Variants in C17orf78 observed in about 807,000 individuals in gnomAD.
The protein encoded by C17orf78 is chromosome 17 open reading frame 78, also known as uncharacterized protein C17orf78.
A neutral mutation model predicts 31.8 loss-of-function variants in C17orf78; 27 were observed. The ratio of observed to expected loss-of-function variants is 0.85; its 90% confidence interval spans 0.63 to 1.17. C17orf78 has a LOEUF of 1.17. C17orf78 is among the 50% of genes most tolerant of loss of function. C17orf78 has a pLI of 0.00. For synonymous variants in C17orf78, 106 were observed against 115.1 expected (o/e 0.92, Z 0.51); for missense variants, 258 against 315.2 (o/e 0.82, Z 1.37).
At chr17:37,381,848 C>T (rs11871270) in intron 3 of C17orf78, among the ~76,000 whole-genome samples, 86,430 of 150,896 alleles carry the variant, frequency 0.57, 25,907 homozygotes, top group Non-Finnish European at 0.67. Flanking sequence ...AGGATGGTCT[C>T]GATCGCCTGA....
intron 1 of C17orf78, among the ~76,000 whole-genome samples, chr17:37,377,607 C>T (rs138720872): frequency 0.017 from 2,551 of 151,800 alleles, 57 homozygotes; most frequent in African/African-American, 0.058. Context: ...TTGCAATGAG[C>T]GGAGATCACG....
chr17:37,389,287 GT>G lies in C17orf78; in HGVS notation c.677del (p.Leu226CysfsTer61). On this transcript the variant is annotated frameshift_variant, in exon 6 of 7. Coordinates refer to ENST00000615133, the MANE Select transcript of C17orf78 (RefSeq NM_173625.5). LOFTEE classifies it high-confidence loss of function. ...CCAGGAAGCTGTGCCAATGCCAGTG[GT>G]TGTGGAGATGGCAAAAGAAGGGAGG... is the stretch of plus-strand genomic sequence containing the variant. ...GARKLCQCQW[L>X]WRWQKKGGQP... The G allele has an allele frequency of 6.3e-7, 1 of 1,598,832 alleles. No individual in the cohort carries two copies. Among genetic ancestry groups the G allele is most frequent in the Non-Finnish European group, 8.5e-7 (1 of 1,172,858 alleles).
intron 1 of C17orf78, among the ~76,000 whole-genome samples, chr17:37,376,682 C>T (rs829152): frequency 0.38 from 58,123 of 151,968 alleles, 11,794 homozygotes; most frequent in East Asian, 0.74. Flanking sequence ...AGGCTGGGCA[C>T]GGTGGCTCAT....
chr17:37,390,330 A>ATATCTATATATATATATATATC (rs1555672373), intron 6 of C17orf78, among the ~76,000 whole-genome samples: 1 of 41,592 alleles, frequency 2.4e-5, no homozygotes, highest in East Asian at 1.6e-3. Context: ...ATATATATAT[A>ATATCTATATATATATATATATC]TATAAAAGGC....
chr17:37,385,940 C>A (rs2147773613), intron 3 of C17orf78, 69 bp from the exon 4 acceptor site: 1 of 1,042,172 alleles, frequency 9.6e-7, no homozygotes, highest in East Asian at 2.6e-5. Flanking sequence ...GGCAGGGTTT[C>A]ATCAGATAAA....
chr17:37,389,912 G>T lies in C17orf78; in HGVS notation c.750+550G>T, dbSNP rs564623072. Among the ~76,000 whole-genome samples, 11 of 150,234 alleles carry T rather than the reference G, an allele frequency of 7.3e-5. No individual in the cohort carries two copies. In the South Asian group the frequency reaches 2.3e-3, roughly 32 times the overall value. On this transcript the variant is annotated intron_variant, in intron 6 of 6. Coordinates refer to ENST00000615133, the MANE Select transcript of C17orf78 (RefSeq NM_173625.5). Reference sequence around the variant, plus strand: ...ATCAGTCCAGACATGATACAATAGGGTGCTTATTGAATACACATACCTCTG... The same window carrying T: ...ATCAGTCCAGACATGATACAATAGGTTGCTTATTGAATACACATACCTCTG...
rs562245823 is a variant in C17orf78 at position 37,388,623 on chromosome 17, C to T, written c.509-47C>T. 194 of 1,580,912 alleles carry T rather than the reference C, an allele frequency of 1.2e-4. No homozygotes were observed. In the South Asian group the frequency reaches 2.0e-3, roughly 16 times the overall value. On this transcript the variant is annotated intron_variant, in intron 4 of 6. Coordinates refer to ENST00000615133, the MANE Select transcript of C17orf78 (RefSeq NM_173625.5). ...AGGTCAAAGGATCAATCTCTTTCCT[C>T]TCTCAAATTTTCTTTTCTCCCTCTT...
rs2050638654 is a variant in C17orf78 at position 37,388,313 on chromosome 17, A to G, written c.509-357A>G. Among the ~76,000 whole-genome samples the G allele has an allele frequency of 2.6e-5, 4 of 152,328 alleles. No homozygotes were observed. In the South Asian group the frequency reaches 8.3e-4, roughly 32 times the overall value. On this transcript the variant is annotated intron_variant, in intron 4 of 6. Transcript: ENST00000615133. ...ATAAAATGTGTCAGAGCAAAATGGT[A>G]GGAACCCTGATAAAGCTGACAGTAA...
Position 37,392,095 on chromosome 17 carries a change from G to C in C17orf78, c.*371G>C. ...GTGTGACATAGCTTCCAGCTCCTCT[G>C]TTATCTTCACAGCTGACTTCACACT... On this transcript the variant is annotated 3_prime_UTR_variant, in exon 7 of 7. Coordinates refer to ENST00000615133, the MANE Select transcript of C17orf78 (RefSeq NM_173625.5). 4.6e-6 allele frequency: 1 copy of C among 215,694 alleles called. No homozygotes were observed. The highest frequency in any genetic ancestry group is 9.4e-6 in the Non-Finnish European group (1 of 106,866). 13.4% of individuals were successfully genotyped at this position (215,694 alleles called of 1,614,324 possible).
At position 37,377,863 on chromosome 17, in the gene C17orf78, C is replaced by G; in HGVS notation, c.59-16C>G. 6.2e-7 allele frequency: 1 copy of G among 1,608,880 alleles called. No homozygotes were observed. The highest frequency in any genetic ancestry group is 1.7e-5 in the Admixed American group (1 of 59,798). ...ACCTTCCCCGGTTCCCCTCCTCCCC[C>G]TCTGCTCACCCCCAGACCTCAGAGA... On this transcript the variant is annotated splice_polypyrimidine_tract_variant and intron_variant, in intron 1 of 6. Coordinates refer to ENST00000615133, the MANE Select transcript of C17orf78 (RefSeq NM_173625.5).
intron 2 of C17orf78, 32 bp downstream of exon 2, chr17:37,377,997 T>C: frequency 3.1e-6 from 5 of 1,593,998 alleles, no homozygotes; most frequent in Middle Eastern, 1.7e-4. Context: ...GAAAATGATA[T>C]TGCCATTCCA....
At chr17:37,390,140 G>GTATATATATA (rs1243535532) in intron 6 of C17orf78, among the ~76,000 whole-genome samples, 24 of 34,614 alleles carry the variant, frequency 6.9e-4, no homozygotes, top group African/African-American at 1.7e-3. Context: ...AAAAAAAAAA[G>GTATATATATA]TATATATATA....
At position 37,392,506 on chromosome 17, in the gene C17orf78, C is replaced by T. The variant is rs967536998; in HGVS notation, c.*782C>T. 3 of 152,100 alleles carry T rather than the reference C, an allele frequency of 2.0e-5. No individual in the cohort carries two copies. Among genetic ancestry groups the T allele is most frequent in the Admixed American group, 6.6e-5 (1 of 15,256 alleles). 9.4% of individuals were successfully genotyped at this position (152,100 alleles called of 1,614,324 possible). A position where few individuals can be genotyped will look rare whatever the true frequency, so the allele number is the denominator to read the frequency against. On this transcript the variant is annotated 3_prime_UTR_variant, in exon 7 of 7. Transcript: ENST00000615133. Reference sequence around the variant, plus strand: ...AGAGTTTGGTGAGAAAGTGAAACCACCTGATCTTGAATCAATGTTGAGGTG... The same window carrying T: ...AGAGTTTGGTGAGAAAGTGAAACCATCTGATCTTGAATCAATGTTGAGGTG...
chr17:37,381,734 T>A (rs570537672), intron 3 of C17orf78, among the ~76,000 whole-genome samples: 2 of 151,182 alleles, frequency 1.3e-5, no homozygotes, highest in East Asian at 3.9e-4. Context: ...TTCACGCCAT[T>A]CTCCTGCCTC....
At chr17:37,381,905 G>A (rs886679040) in intron 3 of C17orf78, among the ~76,000 whole-genome samples, 2 of 152,218 alleles carry the variant, frequency 1.3e-5, no homozygotes, top group African/African-American at 4.8e-5. Context: ...GGGATTACAG[G>A]CGTGAGCCAC....
chr17:37,382,881 A>T (rs535835934), intron 3 of C17orf78, among the ~76,000 whole-genome samples: 3 of 152,012 alleles, frequency 2.0e-5, no homozygotes, highest in African/African-American at 7.2e-5. Context: ...AAAACAAAAT[A>T]AAAAAATTAG....
At chr17:37,389,744 G>T (rs2147792940) in intron 6 of C17orf78, among the ~76,000 whole-genome samples, 1 of 151,982 alleles carries the variant, frequency 6.6e-6, no homozygotes, top group East Asian at 1.9e-4. Context: ...ATAAGTGCTA[G>T]GAGATTCGTC....
intron 2 of C17orf78, among the ~76,000 whole-genome samples, chr17:37,378,337 A>G (rs370355959): frequency 6.6e-4 from 100 of 152,360 alleles, no homozygotes; most frequent in African/African-American, 2.3e-3. Flanking sequence ...TGAAGAAGTT[A>G]ACTAAAAGGA....
In C17orf78 at chr17:37,388,772, T is replaced by C. The variant is rs763058503; in HGVS notation, c.611T>C (p.Val204Ala). Reference sequence around the variant, plus strand: ...AGTGGAGTTGCCATTATAGTATTTGTAATTTTTGAAGTCCCATGTCCTGTA... The same window carrying C: ...AGTGGAGTTGCCATTATAGTATTTGCAATTTTTGAAGTCCCATGTCCTGTA... ...LLSGVAIIVF[V>A]IFEVPCPYQC... The change falls in exon 5 of 7, where the codon GTA becomes GCA. Residue 204 changes from valine (V) to alanine (A), a missense_variant. Physicochemically the swap from Val to Ala is moderately conservative, Grantham distance 64. Transcript: ENST00000615133. The C allele has an allele frequency of 1.5e-5, 25 of 1,613,254 alleles. No homozygotes were observed. The South Asian group carries it at 2.8e-4, about 18-fold the overall frequency.
Sources: gnomAD v4.1 joint callset for allele counts (sites outside exome capture counted in the v4.1 genomes callset) on GRCh38, gnomAD v4.1.1 for gene constraint, MANE v1.5 for transcripts, NCBI Gene and HGNC (gene_info 2026-07-23, HGNC 2026-07-21) for gene names.